The following JARID2 variants were observed in gnomAD, a reference collection of about 807,000 sequenced individuals.
JARID2 encodes the protein jumonji and AT-rich interaction domain containing 2.
JARID2 carries 21 observed loss-of-function variants against 125.6 expected under a neutral mutation model. The observed-to-expected ratio is 0.17, with a 90% CI of 0.12 to 0.24. The LOEUF is 0.24. Ranked by LOEUF, JARID2 falls within the 10% of genes least tolerant of loss-of-function variation. The pLI, the probability that JARID2 is intolerant of heterozygous loss-of-function variation, is 1.00. For missense variants in JARID2, 1,303 were observed against 1,639.6 expected, an observed-to-expected ratio of 0.79 and a Z score of 3.55; for synonymous variants, 736 against 661.6, an observed-to-expected ratio of 1.11 and a Z score of -1.73.
chr6:15,510,505 A>G (rs145448808), intron 12 of JARID2, among the ~76,000 whole-genome samples: 1 of 152,024 alleles, frequency 6.6e-6, no homozygotes, highest in Non-Finnish European at 1.5e-5. Flanking sequence ...TGTACCTCCC[A>G]CCTTTTCTTA....
chr6:15,344,384 AGACTC>A (rs1763176183), intron 1 of JARID2, among the ~76,000 whole-genome samples: 1 of 152,002 alleles, frequency 6.6e-6, no homozygotes, highest in Non-Finnish European at 1.5e-5. Context: ...TGGCTTTGTC[AGACTC>A]GGCTGATGTA....
At chr6:15,311,677 AAAGTCCTTAACAC>A (rs1483967473) in intron 1 of JARID2, among the ~76,000 whole-genome samples, 2 of 152,196 alleles carry the variant, frequency 1.3e-5, no homozygotes, top group Non-Finnish European at 2.9e-5. Flanking sequence ...ATACAAAAGC[AAAGTCCTTAACAC>A]AAGCCACAGA....
intron 7 of JARID2, among the ~76,000 whole-genome samples, chr6:15,498,125 C>T (rs1282095239): frequency 2.0e-5 from 3 of 152,158 alleles, no homozygotes; most frequent in African/African-American, 7.2e-5. Context: ...AGCCCATAGC[C>T]CTCTAGGGTC....
chr6:15,447,009 C>T (rs1767700175), intron 3 of JARID2, among the ~76,000 whole-genome samples: 1 of 152,126 alleles, frequency 6.6e-6, no homozygotes, highest in African/African-American at 2.4e-5. Context: ...TTATTAAGAT[C>T]CTTGAACATA....
chr6:15,410,437 C>CATG (rs1765828964), intron 3 of JARID2, 72 bp downstream of exon 3: 1 of 1,473,780 alleles, frequency 6.8e-7, no homozygotes, highest in East Asian at 2.3e-5. Flanking sequence ...GTTTTCACCA[C>CATG]ATGATAACGT....
intron 1 of JARID2, among the ~76,000 whole-genome samples, chr6:15,295,935 A>G (rs1276911632): frequency 6.6e-6 from 1 of 152,202 alleles, no homozygotes; most frequent in Non-Finnish European, 1.5e-5. Context: ...TGCGGGGATT[A>G]CAGGCCTGAG....
chr6:15,492,106 G>C (rs1770178959), intron 6 of JARID2, among the ~76,000 whole-genome samples: 1 of 152,182 alleles, frequency 6.6e-6, no homozygotes, highest in African/African-American at 2.4e-5. Flanking sequence ...TGAGATACAG[G>C]TGACGGATGG....
intron 1 of JARID2, among the ~76,000 whole-genome samples, chr6:15,289,440 C>T (rs1761123331): frequency 1.3e-5 from 2 of 151,974 alleles, no homozygotes; most frequent in Admixed American, 1.3e-4. Flanking sequence ...GCTGTGTTGC[C>T]CAGGCTGGTC....
rs538723788 is a variant in JARID2, at chr6:15,401,761, C to T, written c.182-8463C>T. Among the ~76,000 whole-genome samples, 7 of 152,264 alleles carry T rather than the reference C, an allele frequency of 4.6e-5. No homozygotes were observed. In the South Asian group the frequency reaches 1.0e-3, roughly 23 times the overall value. On this transcript the variant is annotated intron_variant, in intron 2 of 17. Coordinates refer to ENST00000341776, the MANE Select transcript of JARID2 (RefSeq NM_004973.4). The stretch of plus-strand genomic sequence containing the variant: ...TTCAGGAACCTTCAATGTTTGGTGC[C>T]TCAAATCTTAGCAGATTCCATGGCC...
chr6:15,371,533 C>A (rs1430327474), intron 1 of JARID2, among the ~76,000 whole-genome samples: 1 of 152,176 alleles, frequency 6.6e-6, no homozygotes, highest in Non-Finnish European at 1.5e-5. Context: ...TTAACACTAT[C>A]ATTCAGTTGC....
chr6:15,416,195 C>T (rs555140168), intron 3 of JARID2, among the ~76,000 whole-genome samples: 13 of 152,080 alleles, frequency 8.5e-5, no homozygotes, highest in Admixed American at 3.3e-4. Flanking sequence ...ACGCTCCTCA[C>T]TTTCCAGACT....
At chr6:15,295,276 C>T (rs957826431) in intron 1 of JARID2, among the ~76,000 whole-genome samples, 2 of 151,954 alleles carry the variant, frequency 1.3e-5, no homozygotes, top group African/African-American at 4.8e-5. Flanking sequence ...CGCCCGCCAA[C>T]ACGCCCGGCT....
In JARID2 at chr6:15,283,139, C is replaced by T. The variant is rs191510545; in HGVS notation, c.45+36555C>T. Reference sequence around the variant, plus strand: ...GACTACAGGCGCCCGCCACCACGCCCGGCTAATTTTTTGTATTTTTATTAG... The same window carrying T: ...GACTACAGGCGCCCGCCACCACGCCTGGCTAATTTTTTGTATTTTTATTAG... On this transcript the variant is annotated intron_variant, in intron 1 of 17. Coordinates refer to ENST00000341776, the MANE Select transcript of JARID2 (RefSeq NM_004973.4). Among the ~76,000 whole-genome samples, 994 of 151,110 alleles carry T rather than the reference C, an allele frequency of 6.6e-3. 9 individuals are homozygous for T. The highest frequency in any genetic ancestry group is 0.044 in the South Asian group (208 of 4,762).
intron 4 of JARID2, among the ~76,000 whole-genome samples, chr6:15,463,078 A>ATT (rs144808476): frequency 7.2e-5 from 11 of 152,140 alleles, no homozygotes; most frequent in African/African-American, 2.7e-4. Flanking sequence ...CCAAGTTCAG[A>ATT]TTTTTTTTAC....
chr6:15,400,331 T>A (rs954706135), intron 2 of JARID2, among the ~76,000 whole-genome samples: 1 of 151,802 alleles, frequency 6.6e-6, no homozygotes, highest in African/African-American at 2.4e-5. Flanking sequence ...TGGAAAGAGA[T>A]TTCTGCAGTC....
chr6:15,447,632 T>G (rs886307019), intron 3 of JARID2, among the ~76,000 whole-genome samples: 1 of 152,234 alleles, frequency 6.6e-6, no homozygotes, highest in African/African-American at 2.4e-5. Context: ...TTTATCCCAG[T>G]TCTTTTCATT....
chr6:15,487,567 A>G (rs1231748634), intron 6 of JARID2, 25 bp downstream of exon 6: 23 of 1,545,710 alleles, frequency 1.5e-5, no homozygotes, highest in Non-Finnish European at 2.0e-5. Flanking sequence ...GGGTGCCTAC[A>G]TGTGTGCCAG....
At chr6:15,349,296 C>G (rs967656073) in intron 1 of JARID2, among the ~76,000 whole-genome samples, 2 of 152,180 alleles carry the variant, frequency 1.3e-5, no homozygotes, top group Non-Finnish European at 2.9e-5. Context: ...AATGTTCCAT[C>G]TGGATGGAAT....
chr6:15,341,215 C>CT (rs1763060056), intron 1 of JARID2, among the ~76,000 whole-genome samples: 1 of 152,158 alleles, frequency 6.6e-6, no homozygotes, highest in Non-Finnish European at 1.5e-5. Flanking sequence ...GAAATAATGC[C>CT]TGCTGCCCAG....
Sources: allele counts gnomAD v4.1 joint callset (sites outside exome capture counted in the v4.1 genomes callset), GRCh38; gene constraint gnomAD v4.1.1; transcripts MANE v1.5; gene names NCBI Gene and HGNC (gene_info 2026-07-23, HGNC 2026-07-21).